The following CCDC66 variants were observed in gnomAD, a reference collection of about 807,000 sequenced individuals.
CCDC66 encodes coiled-coil domain-containing protein 66.
A neutral mutation model predicts 128.3 loss-of-function variants in CCDC66; 133 were observed. The ratio of observed to expected loss-of-function variants is 1.04; its 90% CI spans 0.90 to 1.20. The LOEUF (loss-of-function observed/expected upper bound fraction) is 1.20. Among genes scored for constraint, CCDC66 ranks in the 50% most tolerant of loss-of-function variants. CCDC66 has a pLI of 0.00. For missense variants in CCDC66, 1,126 were observed against 1,075.5 expected (o/e 1.05, Z -0.66); for synonymous variants, 387 against 357.0 (o/e 1.08, Z -0.95).
intron 13 of CCDC66, chr3:56,616,307 A>T: frequency 2.8e-6 from 1 of 354,822 alleles, no homozygotes; most frequent in South Asian, 2.6e-5. Context: ...TGATCACTCT[A>T]GAAACACTGT....
chr3:56,564,720 A>G (rs1047840410), intron 4 of CCDC66, among the ~76,000 whole-genome samples: 4 of 152,228 alleles, frequency 2.6e-5, no homozygotes, highest in Non-Finnish European at 4.4e-5. Context: ...CTTTGGGATA[A>G]GGAATTGCGA....
Position 56,566,704 on chromosome 3 carries a change from T to C in CCDC66, c.655T>C (p.Ser219Pro). 6.2e-7 allele frequency: 1 copy of C among 1,613,880 alleles called. No homozygotes were observed. The highest frequency in any genetic ancestry group is 2.2e-5 in the East Asian group (1 of 44,820). The change falls in exon 5 of 18, where the codon TCT becomes CCT. Residue 219 changes from serine to proline, a missense_variant. Ser to Pro is a moderately conservative substitution (Grantham distance 74). Transcript: ENST00000394672. ...TTCATCTGTCCCAGCTGAAAATAAA[T>C]CTGTCTTAAATGAACATCAGGAGAC... ...MVSSVPAENK[S>P]VLNEHQETSK...
intron 7 of CCDC66, among the ~76,000 whole-genome samples, chr3:56,582,256 A>G (rs891552785): frequency 6.6e-6 from 1 of 151,900 alleles, no homozygotes; most frequent in African/African-American, 2.4e-5. Context: ...TGCTAAGGCC[A>G]TTGGAAAAGC....
intron 7 of CCDC66, among the ~76,000 whole-genome samples, chr3:56,581,185 C>T (rs2068303451): frequency 6.6e-6 from 1 of 151,844 alleles, no homozygotes; most frequent in Non-Finnish European, 1.5e-5. Context: ...CCCTTTCTTC[C>T]ACTTGATCAA....
intron 17 of CCDC66, 23 bp from the exon 18 acceptor site, chr3:56,621,509 A>AACAT: frequency 8.0e-6 from 12 of 1,495,446 alleles, no homozygotes; most frequent in Non-Finnish European, 1.1e-5. Context: ...TTTACTAACA[A>AACAT]ACATATATCA....
intron 7 of CCDC66, among the ~76,000 whole-genome samples, chr3:56,575,038 A>G (rs546664084): frequency 1.6e-4 from 24 of 151,946 alleles, no homozygotes; most frequent in African/African-American, 3.4e-4. Context: ...TCCTGCTTCA[A>G]TTCTTTTGGG....
At chr3:56,573,866 T>A (rs1179746835) in intron 7 of CCDC66, among the ~76,000 whole-genome samples, 1 of 151,270 alleles carries the variant, frequency 6.6e-6, no homozygotes, top group Non-Finnish European at 1.5e-5. Context: ...TTGGGGGACT[T>A]AGAATTTTAC....
rs537896390 is a variant in CCDC66, at chr3:56,585,115, G to A, written c.937-7855G>A. Among the ~76,000 whole-genome samples, 300 of 116,526 alleles carry A rather than the reference G, an allele frequency of 2.6e-3. 16 individuals carry two copies. The South Asian group carries it at 0.065, about 25-fold the overall frequency. 76.4% of individuals were successfully genotyped at this position (116,526 alleles called of 152,430 possible). ...GGGAGAGGGAGACCATGGGGAGGGG[G>A]AGGGGGAGAGGGAGAGGGAGGGAGA... On this transcript the variant is annotated intron_variant, in intron 7 of 17. Transcript: ENST00000394672.
In CCDC66 at chr3:56,618,693, A is replaced by G. The variant is rs539436180; in HGVS notation, c.2378+481A>G. The G allele has an allele frequency of 1.1e-3, 170 of 160,108 alleles. 6 individuals carry two copies. The South Asian group carries it at 0.031, about 30-fold the overall frequency. 9.9% of individuals were successfully genotyped at this position (160,108 alleles called of 1,614,324 possible). A position where few individuals can be genotyped will look rare whatever the true frequency, so the allele number is the denominator to read the frequency against. On this transcript the variant is annotated intron_variant, in intron 15 of 17. Transcript: ENST00000394672. Reference sequence around the variant, plus strand: ...GTTTCATTCAAATGGTGAGTACATTATTGTATGGTGAATTATCTAAGGAGA... The same window carrying G: ...GTTTCATTCAAATGGTGAGTACATTGTTGTATGGTGAATTATCTAAGGAGA...
At chr3:56,563,611 C>T in intron 3 of CCDC66, 73 bp from the exon 4 acceptor site, 1 of 1,234,850 alleles carries the variant, frequency 8.1e-7, no homozygotes, top group East Asian at 2.6e-5. Flanking sequence ...ACTGATTTAT[C>T]ACAGATCATA....
At chr3:56,558,727 A>C (rs2064705734) in intron 1 of CCDC66, 119 bp from the exon 2 acceptor site, 2 of 782,094 alleles carry the variant, frequency 2.6e-6, no homozygotes, top group South Asian at 2.9e-5. Flanking sequence ...CGATGTGTAC[A>C]AGATTCCTGC....
chr3:56,557,593 G>A (rs1211981297), intron 1 of CCDC66: 3 of 354,808 alleles, frequency 8.5e-6, no homozygotes, highest in Non-Finnish European at 1.5e-5. Flanking sequence ...CGGCTCCTGG[G>A]GAGGACTCCT....
At chr3:56,573,916 A>G (rs1577363929) in intron 7 of CCDC66, among the ~76,000 whole-genome samples, 1 of 75,354 alleles carries the variant, frequency 1.3e-5, no homozygotes, top group Middle Eastern at 5.6e-3. Context: ...ATAACTAAAA[A>G]AAAACAATAA....
intron 10 of CCDC66, among the ~76,000 whole-genome samples, chr3:56,596,201 G>T (rs1407398215): frequency 1.3e-5 from 2 of 152,164 alleles, no homozygotes; most frequent in Non-Finnish European, 2.9e-5. Context: ...TTACAGGCAT[G>T]AGCCACCGGG....
chr3:56,616,424 A>C (rs914173835), intron 13 of CCDC66: 1 of 213,928 alleles, frequency 4.7e-6, no homozygotes, highest in Non-Finnish European at 9.3e-6. Context: ...ATTAGACCAC[A>C]TAACGGTCTT....
intron 7 of CCDC66, among the ~76,000 whole-genome samples, chr3:56,573,906 ATAAC>A (rs2066992407): frequency 1.3e-5 from 1 of 79,970 alleles, no homozygotes; most frequent in East Asian, 3.1e-4. Context: ...CTTTTTTTAA[ATAAC>A]TAAAAAAAAA....
chr3:56,594,126 T>C, intron 10 of CCDC66, 98 bp downstream of exon 10: 2 of 1,076,014 alleles, frequency 1.9e-6, no homozygotes, highest in Non-Finnish European at 2.9e-6. Flanking sequence ...ATGTAAACTT[T>C]ACAGCATAGG....
chr3:56,597,777 G>GTTTTTT (rs3064563), intron 10 of CCDC66, among the ~76,000 whole-genome samples: 33,104 of 87,506 alleles, frequency 0.38, 9,132 homozygotes, highest in East Asian at 0.7. Flanking sequence ...TTGTTTTGGG[G>GTTTTTT]TTTTTTTTTT....
intron 10 of CCDC66, among the ~76,000 whole-genome samples, chr3:56,608,711 T>A (rs1224062271): frequency 5.3e-5 from 8 of 152,218 alleles, no homozygotes. Context: ...CTGTCTGTGC[T>A]CTTTCAGACT....
Sources: allele counts gnomAD v4.1 joint callset (sites outside exome capture counted in the v4.1 genomes callset), GRCh38; gene constraint gnomAD v4.1.1; transcripts MANE v1.5; gene names NCBI Gene and HGNC (gene_info 2026-07-23, HGNC 2026-07-21).